The following IL1RAPL1 variants were observed in gnomAD, a reference collection of about 807,000 sequenced individuals.
IL1RAPL1 encodes the protein interleukin-1 receptor accessory protein-like 1.
Under a neutral mutation model 48.4 loss-of-function variants are expected in IL1RAPL1, and 3 were observed. The ratio of observed to expected loss-of-function variants is 0.06; its 90% confidence interval spans 0.03 to 0.16. The LOEUF (loss-of-function observed/expected upper bound fraction) is 0.16, where lower values mean the gene tolerates loss of function less well. IL1RAPL1 is among the 10% of genes least tolerant of loss of function. The probability of loss-of-function intolerance (pLI) is 1.00; values close to 1 mark genes in which losing one functional copy is unlikely to be tolerated. For synonymous variants in IL1RAPL1, 185 were observed against 187.7 expected (o/e 0.99, Z 0.12); for missense variants, 349 against 530.6 (o/e 0.66, Z 3.36).
At chrX:29,386,903 T>C (rs1933785324) in intron 3 of IL1RAPL1, among the ~76,000 whole-genome samples, 1 of 112,181 alleles carries the variant, frequency 8.9e-6, no homozygotes, top group Non-Finnish European at 1.9e-5. Context: ...ATAAATAATA[T>C]CATATATTTA....
intron 1 of IL1RAPL1, among the ~76,000 whole-genome samples, chrX:28,691,446 C>T (rs1481894539): frequency 1.8e-5 from 2 of 111,736 alleles, no homozygotes; most frequent in African/African-American, 6.5e-5. Flanking sequence ...TGTACCTCTG[C>T]CAGGAAGCAT....
rs776729557 is a variant in IL1RAPL1 at position 28,961,985 on chromosome X, G to A, written c.82+172560G>A. The stretch of plus-strand genomic sequence containing the variant: ...TTAAATCTTATGTTTCTTATATAAG[G>A]TGTTACTCTCACGTTAAGAGCACCC... On this transcript the variant is annotated intron_variant, in intron 2 of 10. Coordinates refer to ENST00000378993, the MANE Select transcript of IL1RAPL1 (RefSeq NM_014271.4). Among the ~76,000 whole-genome samples the A allele has an allele frequency of 5.4e-5, 6 of 111,596 alleles. No homozygotes were observed. In the South Asian group the frequency reaches 2.2e-3, roughly 41 times the overall value.
chrX:29,509,502 A>C (rs1176638435), intron 5 of IL1RAPL1, among the ~76,000 whole-genome samples: 1 of 112,757 alleles, frequency 8.9e-6, no homozygotes, highest in Admixed American at 9.3e-5. Context: ...ACTGACTTTG[A>C]AAAAGTTAAA....
chrX:29,478,813 A>C (rs1010944031), intron 5 of IL1RAPL1, among the ~76,000 whole-genome samples: 2 of 109,894 alleles, frequency 1.8e-5, no homozygotes, highest in Non-Finnish European at 3.8e-5. Flanking sequence ...TGCAGTTCAC[A>C]TCACTGCCTC....
intron 6 of IL1RAPL1, among the ~76,000 whole-genome samples, chrX:29,688,322 G>A (rs1446912553): frequency 9.0e-6 from 1 of 110,787 alleles, no homozygotes; most frequent in Admixed American, 9.6e-5. Flanking sequence ...TCTTGCGGCC[G>A]CACCAGTCCA....
At chrX:28,646,610 C>A (rs1470685899) in intron 1 of IL1RAPL1, among the ~76,000 whole-genome samples, 1 of 112,194 alleles carries the variant, frequency 8.9e-6, no homozygotes, top group African/African-American at 3.2e-5. Flanking sequence ...AGCAGTGTGG[C>A]AATTCTGAAT....
At chrX:29,789,780 CTTT>C (rs143889631) in intron 6 of IL1RAPL1, among the ~76,000 whole-genome samples, 92 of 81,842 alleles carry the variant, frequency 1.1e-3, no homozygotes, top group African/African-American at 3.7e-3. Context: ...TCATGAGTTT[CTTT>C]TTTTTTTTTT....
chrX:29,043,079 T>C lies in IL1RAPL1; in HGVS notation c.83-239859T>C, dbSNP rs780953576. 6.3e-5 allele frequency among the ~76,000 whole-genome samples: 7 copies of C among 111,686 alleles called. No individual in the cohort carries two copies. The Admixed American group carries it at 6.7e-4, about 11-fold the overall frequency. On this transcript the variant is annotated intron_variant, in intron 2 of 10. Coordinates refer to ENST00000378993, the MANE Select transcript of IL1RAPL1 (RefSeq NM_014271.4). ...CTCATGGCTGTCACACACCTGTTCT[T>C]CCTAAGGCAGTTCCATCTGAGGCAT...
At chrX:28,863,251 G>A (rs1237595408) in intron 2 of IL1RAPL1, among the ~76,000 whole-genome samples, 2 of 110,792 alleles carry the variant, frequency 1.8e-5, no homozygotes, top group Non-Finnish European at 3.8e-5. Flanking sequence ...TAGAAAATAT[G>A]TTTGGCTTTG....
rs1442990630 is a variant in IL1RAPL1, at chrX:29,749,707, C to T, written c.778+81203C>T. Reference sequence around the variant, plus strand: ...ATAGCCAGACTTTCTTTGTCAAAAACATTCAATACAATGTTTAGGAAGTGT... The same window carrying T: ...ATAGCCAGACTTTCTTTGTCAAAAATATTCAATACAATGTTTAGGAAGTGT... On this transcript the variant is annotated intron_variant, in intron 6 of 10. Transcript: ENST00000378993. 2.7e-5 allele frequency among the ~76,000 whole-genome samples: 3 copies of T among 112,090 alleles called. No individual in the cohort carries two copies. The Admixed American group carries it at 2.9e-4, about 11-fold the overall frequency.
chrX:29,184,968 T>G (rs760060257), intron 2 of IL1RAPL1, among the ~76,000 whole-genome samples: 105 of 112,022 alleles, frequency 9.4e-4, no homozygotes, highest in Middle Eastern at 4.7e-3. Context: ...ATTTTGTGAG[T>G]CTATATGAGA....
intron 6 of IL1RAPL1, among the ~76,000 whole-genome samples, chrX:29,772,407 CA>C (rs1929091374): frequency 9.1e-6 from 1 of 110,462 alleles, no homozygotes; most frequent in Non-Finnish European, 1.9e-5. Flanking sequence ...ATAATATCAC[CA>C]TCAAAAATTA....
intron 3 of IL1RAPL1, among the ~76,000 whole-genome samples, chrX:29,349,094 G>T (rs988575432): frequency 5.3e-5 from 6 of 112,385 alleles, no homozygotes; most frequent in African/African-American, 1.6e-4. Context: ...AGGGGAAATT[G>T]TCCATTTTTC....
At chrX:29,198,585 C>T (rs1357290270) in intron 2 of IL1RAPL1, among the ~76,000 whole-genome samples, 2 of 111,527 alleles carry the variant, frequency 1.8e-5, no homozygotes, top group Non-Finnish European at 3.8e-5. Flanking sequence ...TAAGCCACTG[C>T]GCCCAGCCAG....
intron 2 of IL1RAPL1, among the ~76,000 whole-genome samples, chrX:28,947,900 G>C (rs947017349): frequency 9.0e-6 from 1 of 111,537 alleles, no homozygotes; most frequent in African/African-American, 3.3e-5. Flanking sequence ...TCAAGGATGT[G>C]ATAGGCTTTA....
chrX:29,670,274 T>C (rs769308227), intron 6 of IL1RAPL1, among the ~76,000 whole-genome samples: 2 of 111,583 alleles, frequency 1.8e-5, no homozygotes, highest in Non-Finnish European at 3.8e-5. Flanking sequence ...CCACAGCAAA[T>C]TAAAAATATG....
intron 2 of IL1RAPL1, among the ~76,000 whole-genome samples, chrX:29,145,213 T>G (rs992119723): frequency 7.1e-5 from 8 of 112,147 alleles, no homozygotes; most frequent in Admixed American, 6.6e-4. Context: ...CAGTAAAGAC[T>G]ATGCACAGCC....
chrX:29,636,324 TAAAAC>T (rs747824707), intron 5 of IL1RAPL1, among the ~76,000 whole-genome samples: 11 of 112,014 alleles, frequency 9.8e-5, no homozygotes, highest in Non-Finnish European at 1.9e-4. Flanking sequence ...AACAACAACT[TAAAAC>T]AATAGTGAGT....
chrX:29,350,191 T>TTATATATATATATATATATATATA (rs397897010), intron 3 of IL1RAPL1, among the ~76,000 whole-genome samples: 30 of 39,414 alleles, frequency 7.6e-4, no homozygotes, highest in African/African-American at 2.6e-3. Context: ...TACTGTTATT[T>TTATATATATATATATATATATATA]TATATATATA....
Sources: gnomAD v4.1 joint callset for allele counts (sites outside exome capture counted in the v4.1 genomes callset) on GRCh38, gnomAD v4.1.1 for gene constraint, MANE v1.5 for transcripts, NCBI Gene and HGNC (gene_info 2026-07-23, HGNC 2026-07-21) for gene names.